Variants in SCRN1 observed in about 807,000 individuals in gnomAD.
SCRN1 encodes secernin-1.
In SCRN1, 19 loss-of-function variants were observed where a neutral mutation model predicts 43.3. The observed-to-expected ratio is 0.44, with a 90% CI of 0.31 to 0.64. The LOEUF is 0.64. Among genes scored for constraint, SCRN1 ranks in the 30% least tolerant of loss-of-function variants. The probability of loss-of-function intolerance (pLI) is 0.09; values close to 1 mark genes in which losing one functional copy is unlikely to be tolerated. For synonymous variants in SCRN1, 183 were observed against 188.9 expected (o/e 0.97, Z 0.26); for missense variants, 447 against 524.1 (o/e 0.85, Z 1.44).
At position 29,926,594 on chromosome 7, in the gene SCRN1, T is replaced by G; in HGVS notation, c.944A>C (p.Lys315Thr). ...FKPFIFVDDV[K>T]LVPKTQSPCF... ...GGGAGACTGTGTTTTGGGGACAAGT[T>G]TTACGTCATCAACAAAGATGAAAGG... is the stretch of plus-strand genomic sequence containing the variant. Residue 315 changes from lysine (K) to threonine (T), a missense_variant, in exon 7 of 8, where the codon AAA becomes ACA. Physicochemically the swap from Lys to Thr is moderately conservative, Grantham distance 78 (BLOSUM62 -1). Coordinates refer to ENST00000242059, the MANE Select transcript of SCRN1 (RefSeq NM_014766.5). 1 of 1,614,044 alleles carries G rather than the reference T, an allele frequency of 6.2e-7. No individual in the cohort carries two copies. The highest frequency in any genetic ancestry group is 1.1e-5 in the South Asian group (1 of 91,076).
intron 5 of SCRN1, among the ~76,000 whole-genome samples, chr7:29,938,094 T>A (rs1383663574): frequency 1.3e-5 from 2 of 152,076 alleles, no homozygotes; most frequent in Non-Finnish European, 2.9e-5. Context: ...AGTGGCGCAA[T>A]CTTGGCTCAC....
At chr7:29,964,714 G>A (rs1352519688) in intron 2 of SCRN1, among the ~76,000 whole-genome samples, 2 of 151,964 alleles carry the variant, frequency 1.3e-5, no homozygotes, top group African/African-American at 4.8e-5. Context: ...AGGCCGAGGC[G>A]GGTGGATCAC....
chr7:29,976,932 G>T (rs1386731017), intron 1 of SCRN1, among the ~76,000 whole-genome samples: 1 of 152,180 alleles, frequency 6.6e-6, no homozygotes, highest in Non-Finnish European at 1.5e-5. Context: ...GAGGAGGGAG[G>T]AAGCTGTGTG....
intron 2 of SCRN1, among the ~76,000 whole-genome samples, chr7:29,961,511 T>G (rs1449761654): frequency 6.9e-6 from 1 of 145,596 alleles, no homozygotes; most frequent in African/African-American, 2.5e-5. Flanking sequence ...CTCAATCTTT[T>G]CCCCACCTTT....
chr7:29,984,713 G>A (rs1449824203), intron 1 of SCRN1, among the ~76,000 whole-genome samples: 4 of 150,770 alleles, frequency 2.7e-5, no homozygotes, highest in African/African-American at 4.9e-5. Context: ...TTGAGGTCAG[G>A]AGCTCGAGAC....
chr7:29,976,361 T>C (rs1430528888), intron 1 of SCRN1, among the ~76,000 whole-genome samples: 1 of 152,128 alleles, frequency 6.6e-6, no homozygotes, highest in African/African-American at 2.4e-5. Context: ...AAAACTTACA[T>C]AAGGCATCTA....
intron 5 of SCRN1, among the ~76,000 whole-genome samples, chr7:29,937,952 T>C (rs747466551): frequency 1.1e-4 from 17 of 152,228 alleles, no homozygotes; most frequent in Non-Finnish European, 1.5e-4. Context: ...GATTTCCTCA[T>C]TGTCTTATAA....
intron 5 of SCRN1, among the ~76,000 whole-genome samples, 164 bp downstream of exon 5, chr7:29,940,518 T>C (rs1333060634): frequency 6.6e-6 from 1 of 152,174 alleles, no homozygotes; most frequent in East Asian, 1.9e-4. Flanking sequence ...TACAAGTTGT[T>C]TTCTTGCCTG....
chr7:29,962,689 C>CATAAA (rs201543011), intron 2 of SCRN1, among the ~76,000 whole-genome samples: 22,493 of 151,172 alleles, frequency 0.15, 1,732 homozygotes, highest in African/African-American at 0.18. Context: ...CTGTCTCAAA[C>CATAAA]ATAAAATAAA....
intron 1 of SCRN1, among the ~76,000 whole-genome samples, chr7:29,987,649 A>C (rs1789202967): frequency 6.6e-6 from 1 of 152,252 alleles, no homozygotes; most frequent in African/African-American, 2.4e-5. Flanking sequence ...CATTGACTTT[A>C]AACACCTATA....
At chr7:29,967,281 A>T (rs895444269) in intron 2 of SCRN1, among the ~76,000 whole-genome samples, 1 of 152,200 alleles carries the variant, frequency 6.6e-6, no homozygotes, top group African/African-American at 2.4e-5. Context: ...TCAATTTATC[A>T]CATAAATAAG....
chr7:29,983,131 C>T (rs1023310585), intron 1 of SCRN1, among the ~76,000 whole-genome samples: 3 of 152,086 alleles, frequency 2.0e-5, no homozygotes, highest in African/African-American at 7.2e-5. Context: ...GCCATCACAC[C>T]TGGCCCAAGA....
rs115983273 is a variant in SCRN1 at position 29,971,490 on chromosome 7, G to A, written c.-1-2422C>T. On this transcript the variant is annotated intron_variant, in intron 1 of 7. Coordinates refer to ENST00000242059, the MANE Select transcript of SCRN1 (RefSeq NM_014766.5). Reference sequence around the variant, plus strand: ...TCCACAAAAAATACAAAAACTAGCCGGGTGTGGTGACATGCACCTGTAGTC... The same window carrying A: ...TCCACAAAAAATACAAAAACTAGCCAGGTGTGGTGACATGCACCTGTAGTC... 1.2e-3 allele frequency among the ~76,000 whole-genome samples: 185 copies of A among 152,138 alleles called. 1 individual carries two copies. Among genetic ancestry groups the A allele is most frequent in the African/African-American group, 4.2e-3 (176 of 41,490 alleles).
chr7:29,962,230 T>C (rs1788348085), intron 2 of SCRN1, among the ~76,000 whole-genome samples: 1 of 148,052 alleles, frequency 6.8e-6, no homozygotes, highest in Non-Finnish European at 1.5e-5. Flanking sequence ...TAATTATGTA[T>C]ATGTAATTAA....
At chr7:29,972,508 T>C (rs748935275) in intron 1 of SCRN1, among the ~76,000 whole-genome samples, 1 of 152,188 alleles carries the variant, frequency 6.6e-6, no homozygotes, top group Admixed American at 6.5e-5. Context: ...GATGAGGATA[T>C]AGGCAACAGA....
intron 6 of SCRN1, among the ~76,000 whole-genome samples, chr7:29,933,219 G>A (rs1787219319): frequency 6.6e-6 from 1 of 152,078 alleles, no homozygotes; most frequent in Non-Finnish European, 1.5e-5. Context: ...CCTGCATGTG[G>A]GGACCTCTCA....
chr7:29,955,044 TAA>T, intron 3 of SCRN1, 133 bp downstream of exon 3: 2 of 721,046 alleles, frequency 2.8e-6, no homozygotes, highest in Non-Finnish European at 2.3e-6. Context: ...CTCATCATCT[TAA>T]AGTTTCTATC....
At chr7:29,930,604 G>A (rs953829577) in intron 6 of SCRN1, among the ~76,000 whole-genome samples, 12 of 152,294 alleles carry the variant, frequency 7.9e-5, no homozygotes, top group South Asian at 2.1e-4. Flanking sequence ...TGCATGGGAC[G>A]CCCCCGAGTG....
chr7:29,987,672 C>A (rs1188864373), intron 1 of SCRN1, among the ~76,000 whole-genome samples: 2 of 152,208 alleles, frequency 1.3e-5, no homozygotes, highest in Non-Finnish European at 2.9e-5. Flanking sequence ...CTTTGTAATT[C>A]ATATTACAGT....
Sources: allele counts gnomAD v4.1 joint callset (sites outside exome capture counted in the v4.1 genomes callset), GRCh38; gene constraint gnomAD v4.1.1; transcripts MANE v1.5; gene names NCBI Gene and HGNC (gene_info 2026-07-23, HGNC 2026-07-21).